The following PROM1 variants were observed in gnomAD, a reference collection of about 807,000 sequenced individuals.
The protein encoded by PROM1 is prominin 1.
A neutral mutation model predicts 116.9 loss-of-function variants in PROM1; 105 were observed. The observed-to-expected ratio is 0.90, with a 90% CI of 0.77 to 1.06. The LOEUF is 1.06. PROM1 is among the 50% of genes least tolerant of loss of function. The pLI, the probability that PROM1 is intolerant of heterozygous loss-of-function variation, is 0.00. For missense variants in PROM1, 1,122 were observed against 1,045.2 expected, an observed-to-expected ratio of 1.07 and a Z score of -1.01; for synonymous variants, 393 against 387.0, an observed-to-expected ratio of 1.02 and a Z score of -0.18.
intron 2 of PROM1, among the ~76,000 whole-genome samples, chr4:16,065,710 T>C (rs1353499365): frequency 6.6e-6 from 1 of 152,198 alleles, no homozygotes; most frequent in Non-Finnish European, 1.5e-5. Context: ...TCAAGAAATA[T>C]GACCTTGGGT....
chr4:16,007,698 A>T (rs1300781205), intron 12 of PROM1, among the ~76,000 whole-genome samples: 2 of 152,156 alleles, frequency 1.3e-5, no homozygotes, highest in Non-Finnish European at 2.9e-5. Flanking sequence ...GGGGAAAAGG[A>T]AGGGAGATGG....
intron 6 of PROM1, among the ~76,000 whole-genome samples, chr4:16,024,902 T>G (rs1300797048): frequency 6.6e-6 from 1 of 152,226 alleles, no homozygotes; most frequent in Non-Finnish European, 1.5e-5. Context: ...CTTTCATTTT[T>G]TTAAAAAATC....
At chr4:16,002,553 A>G (rs1724142283) in intron 13 of PROM1, among the ~76,000 whole-genome samples, 1 of 152,192 alleles carries the variant, frequency 6.6e-6, no homozygotes, top group African/African-American at 2.4e-5. Flanking sequence ...CCATAATTAC[A>G]ATATTTGTGT....
chr4:16,061,207 A>C (rs930671450), intron 2 of PROM1, among the ~76,000 whole-genome samples: 1 of 149,662 alleles, frequency 6.7e-6, no homozygotes, highest in Admixed American at 6.7e-5. Flanking sequence ...GGAGCCCCCC[A>C]CTGGAACTCA....
chr4:16,018,602 T>C, intron 8 of PROM1, 62 bp from the exon 9 acceptor site: 1 of 1,448,948 alleles, frequency 6.9e-7, no homozygotes, highest in Non-Finnish European at 9.5e-7. Context: ...TACAAAAGTG[T>C]GTCTAAAGGG....
At chr4:16,068,699 T>C (rs550732296) in intron 2 of PROM1, among the ~76,000 whole-genome samples, 2 of 152,332 alleles carry the variant, frequency 1.3e-5, no homozygotes, top group African/African-American at 4.8e-5. Flanking sequence ...TCAACTAAAT[T>C]TGTTATAATT....
chr4:15,971,059 A>G lies in PROM1; in HGVS notation c.*8T>C. 6.3e-7 allele frequency: 1 copy of G among 1,582,812 alleles called. No individual in the cohort carries two copies. Among genetic ancestry groups the G allele is most frequent in the Non-Finnish European group, 8.6e-7 (1 of 1,164,238 alleles). ...CAAACTTACCTCAAGCAGTTTCAAC[A>G]TCAGCTATCAATGTTGTGATGGGCT... On this transcript the variant is annotated 3_prime_UTR_variant, in exon 27 of 28. Coordinates refer to ENST00000447510, the MANE Select transcript of PROM1 (RefSeq NM_006017.3).
intron 26 of PROM1, chr4:15,971,697 C>T (rs1056862229): frequency 6.6e-6 from 1 of 152,342 alleles, no homozygotes; most frequent in Non-Finnish European, 1.5e-5. Context: ...ACACCCTGCC[C>T]GACTGTGACT....
At chr4:15,995,352 AGG>A (rs1577910084) in intron 15 of PROM1, among the ~76,000 whole-genome samples, 1 of 151,764 alleles carries the variant, frequency 6.6e-6, no homozygotes, top group East Asian at 1.9e-4. Context: ...AAGAAGAAGA[AGG>A]AGGAGGAGGA....
intron 10 of PROM1, among the ~76,000 whole-genome samples, chr4:16,013,803 G>A (rs576972914): frequency 5.3e-5 from 8 of 152,250 alleles, no homozygotes; most frequent in East Asian, 3.9e-4. Flanking sequence ...AGCCCCCGCC[G>A]CTAACAGCCA....
At chr4:16,062,086 G>T (rs965750989) in intron 2 of PROM1, among the ~76,000 whole-genome samples, 9 of 151,820 alleles carry the variant, frequency 5.9e-5, no homozygotes, top group Admixed American at 3.9e-4. Flanking sequence ...TAGAGACGGG[G>T]TTTCACCGTG....
At chr4:16,024,687 G>C (rs939745352) in intron 6 of PROM1, among the ~76,000 whole-genome samples, 1 of 152,076 alleles carries the variant, frequency 6.6e-6, no homozygotes, top group East Asian at 1.9e-4. Flanking sequence ...TTGTGTGTCC[G>C]TGAGTATGTG....
At chr4:16,054,753 G>A (rs1339621628) in intron 2 of PROM1, among the ~76,000 whole-genome samples, 1 of 151,846 alleles carries the variant, frequency 6.6e-6, no homozygotes, top group Non-Finnish European at 1.5e-5. Flanking sequence ...CCAGATCCCC[G>A]ACCTCCCAAA....
chr4:15,997,410 G>A (rs1722601524), intron 15 of PROM1, among the ~76,000 whole-genome samples: 1 of 150,610 alleles, frequency 6.6e-6, no homozygotes, highest in African/African-American at 2.4e-5. Context: ...ATGGCTGGTA[G>A]TATACATCAC....
intron 2 of PROM1, among the ~76,000 whole-genome samples, chr4:16,050,711 A>G (rs1737665628): frequency 6.6e-6 from 1 of 152,200 alleles, no homozygotes; most frequent in African/African-American, 2.4e-5. Context: ...CCAAACTAGT[A>G]CCTATTCAGA....
At chr4:16,007,889 G>C (rs1725915363) in intron 12 of PROM1, among the ~76,000 whole-genome samples, 1 of 152,144 alleles carries the variant, frequency 6.6e-6, no homozygotes, top group South Asian at 2.1e-4. Context: ...TTGTTTGTGG[G>C]GCGATGACAA....
At chr4:16,039,200 T>C (rs1734618867) in intron 2 of PROM1, among the ~76,000 whole-genome samples, 199 bp from the exon 3 acceptor site, 1 of 152,220 alleles carries the variant, frequency 6.6e-6, no homozygotes, top group African/African-American at 2.4e-5. Context: ...CAAATACTTC[T>C]GATTTACTAT....
chr4:16,042,478 A>T (rs77823860), intron 2 of PROM1, among the ~76,000 whole-genome samples: 7,380 of 152,238 alleles, frequency 0.048, 265 homozygotes, highest in African/African-American at 0.1. Context: ...AAAATTACTT[A>T]ATGGGTACGG....
intron 5 of PROM1, among the ~76,000 whole-genome samples, chr4:16,032,121 T>C (rs1232518945): frequency 2.0e-5 from 3 of 151,594 alleles, no homozygotes; most frequent in Non-Finnish European, 4.4e-5. Flanking sequence ...TATAAAAATA[T>C]GACCCAGTGC....
Sources: allele counts gnomAD v4.1 joint callset (sites outside exome capture counted in the v4.1 genomes callset), GRCh38; gene constraint gnomAD v4.1.1; transcripts MANE v1.5; gene names NCBI Gene and HGNC (gene_info 2026-07-23, HGNC 2026-07-21).